Variants in GALNT13 observed in about 807,000 individuals in gnomAD.
GALNT13 encodes the protein UDP-GalNAc:polypeptide N-acetylgalactosaminyltransferase 13.
In GALNT13, 28 loss-of-function variants were observed where a neutral mutation model predicts 64.2. The ratio of observed to expected loss-of-function variants is 0.44; its 90% CI spans 0.32 to 0.60. The LOEUF (loss-of-function observed/expected upper bound fraction) is 0.60, where lower values mean the gene tolerates loss of function less well. Among genes scored for constraint, GALNT13 ranks in the 20% least tolerant of loss-of-function variants. The probability of loss-of-function intolerance (pLI) is 0.05; values close to 1 mark genes in which losing one functional copy is unlikely to be tolerated. For missense variants in GALNT13, 577 were observed against 669.8 expected (o/e 0.86, Z 1.53); for synonymous variants, 214 against 224.6 (o/e 0.95, Z 0.42).
chr2:153,464,018 G>A, the GALNT13 span, among the ~76,000 whole-genome samples: 1 of 152,024 alleles, frequency 6.6e-6, no homozygotes, highest in Non-Finnish European at 1.5e-5. Flanking sequence ...CAAACAAGTG[G>A]ACTTCAGGTG....
At chr2:153,478,376 C>T in the GALNT13 span, 2 of 1,614,156 alleles carry the variant, frequency 1.2e-6, no homozygotes, top group Non-Finnish European at 1.7e-6. Context: ...AGTGAGAGCA[C>T]GCACATGACC....
At chr2:153,157,429 G>A in the GALNT13 span, among the ~76,000 whole-genome samples, 1,467 of 152,238 alleles carry the variant, frequency 9.6e-3, 18 homozygotes, top group African/African-American at 0.033. Flanking sequence ...GTAATTGGAT[G>A]GCTGCGAAGT....
chr2:154,254,158 G>T (rs1039510170), intron 7 of GALNT13, among the ~76,000 whole-genome samples: 13 of 152,214 alleles, frequency 8.5e-5, no homozygotes, highest in Non-Finnish European at 1.3e-4. Context: ...AAAAATCCAG[G>T]TGACCAATGG....
chr2:153,705,990 A>G, the GALNT13 span, among the ~76,000 whole-genome samples: 2 of 151,568 alleles, frequency 1.3e-5, no homozygotes, highest in East Asian at 3.9e-4. Context: ...ATTGAGGACT[A>G]TATATATATA....
At chr2:153,292,377 A>C in the GALNT13 span, among the ~76,000 whole-genome samples, 1 of 152,244 alleles carries the variant, frequency 6.6e-6, no homozygotes, top group Non-Finnish European at 1.5e-5. Context: ...GCTGGGAATC[A>C]TGTTAAAAGC....
chr2:153,258,209 A>G, the GALNT13 span, among the ~76,000 whole-genome samples: 1 of 152,232 alleles, frequency 6.6e-6, no homozygotes, highest in Non-Finnish European at 1.5e-5. Context: ...GACAAAATAT[A>G]GTAATACTAA....
At chr2:154,149,971 A>G (rs145653016) in intron 4 of GALNT13, among the ~76,000 whole-genome samples, 2,392 of 152,238 alleles carry the variant, frequency 0.016, 59 homozygotes, top group African/African-American at 0.055. Context: ...TATGTTGAAT[A>G]GGAGTGGTGA....
At chr2:153,113,732 G>A in the GALNT13 span, among the ~76,000 whole-genome samples, 1 of 151,960 alleles carries the variant, frequency 6.6e-6, no homozygotes, top group Non-Finnish European at 1.5e-5. Flanking sequence ...TGTATGTCTA[G>A]CCTCATATGC....
intron 3 of GALNT13, among the ~76,000 whole-genome samples, chr2:153,989,591 G>T (rs1344648738): frequency 6.6e-6 from 1 of 151,978 alleles, no homozygotes; most frequent in Non-Finnish European, 1.5e-5. Context: ...AGTACTCTTG[G>T]CAAGGTGGAT....
chr2:154,409,425 T>C, intron 11 of GALNT13: 1 of 234,456 alleles, frequency 4.3e-6, no homozygotes, highest in South Asian at 6.4e-5. Context: ...TGTGATGTTT[T>C]CCCAATGGTT....
At chr2:153,916,159 C>G (rs1316997918) in intron 2 of GALNT13, among the ~76,000 whole-genome samples, 1 of 131,100 alleles carries the variant, frequency 7.6e-6, no homozygotes, top group South Asian at 2.5e-4. Flanking sequence ...TTCCTTTTTT[C>G]TTTTTCTTTT....
intron 3 of GALNT13, among the ~76,000 whole-genome samples, chr2:154,066,933 G>T (rs1700498106): frequency 6.6e-6 from 1 of 151,952 alleles, no homozygotes; most frequent in Non-Finnish European, 1.5e-5. Context: ...AACTTTCCAA[G>T]ACATAGCCAG....
chr2:153,630,805 ATATTTTTTTT>A, the GALNT13 span, among the ~76,000 whole-genome samples: 122 of 14,984 alleles, frequency 8.1e-3, 1 homozygote, highest in South Asian at 0.014. Context: ...ATATATATAT[ATATTTTTTTT>A]TTTTTTTTTA....
the GALNT13 span, among the ~76,000 whole-genome samples, chr2:153,431,173 T>A: frequency 6.6e-6 from 1 of 151,884 alleles, no homozygotes. Context: ...CAAAAAAAGT[T>A]GACATAATTA....
At chr2:153,811,533 C>T in the GALNT13 span, among the ~76,000 whole-genome samples, 1 of 152,026 alleles carries the variant, frequency 6.6e-6, no homozygotes, top group Non-Finnish European at 1.5e-5. Context: ...CATGTATTTT[C>T]GTATTAACTG....
chr2:153,089,674 T>C, the GALNT13 span, among the ~76,000 whole-genome samples: 1 of 152,028 alleles, frequency 6.6e-6, no homozygotes, highest in African/African-American at 2.4e-5. Flanking sequence ...AATTCTTTTT[T>C]CTTTGTCTCT....
At chr2:153,147,545 T>C in the GALNT13 span, among the ~76,000 whole-genome samples, 703 of 151,140 alleles carry the variant, frequency 4.7e-3, 3 homozygotes, top group African/African-American at 0.016. Context: ...ATTAGACTTT[T>C]TTTTTTTTTT....
the GALNT13 span, among the ~76,000 whole-genome samples, chr2:153,345,729 C>CCTTT: frequency 7.6e-6 from 1 of 132,004 alleles, no homozygotes; most frequent in African/African-American, 2.8e-5. Context: ...GTCCTTCCTT[C>CCTTT]CTTCCTTCCT....
intron 4 of GALNT13, among the ~76,000 whole-genome samples, chr2:154,186,340 A>C (rs1276387251): frequency 6.6e-6 from 1 of 152,082 alleles, no homozygotes; most frequent in Non-Finnish European, 1.5e-5. Flanking sequence ...AAACAATCTC[A>C]TGATTGCTTA....
Sources: gnomAD v4.1 joint callset for allele counts (sites outside exome capture counted in the v4.1 genomes callset) on GRCh38, gnomAD v4.1.1 for gene constraint, MANE v1.5 for transcripts, NCBI Gene and HGNC (gene_info 2026-07-23, HGNC 2026-07-21) for gene names.